BTRC: variants seen among roughly 807,000 people sequenced by gnomAD.
BTRC encodes beta-transducin repeat containing E3 ubiquitin protein ligase, also known as F-box/WD repeat-containing protein 1A.
Under a neutral mutation model 85.5 loss-of-function variants are expected in BTRC, and 42 were observed. The observed-to-expected ratio is 0.49, with a 90% CI of 0.38 to 0.64. The LOEUF (loss-of-function observed/expected upper bound fraction) is 0.64, where lower values mean the gene tolerates loss of function less well. Among genes scored for constraint, BTRC ranks in the 30% least tolerant of loss-of-function variants. The pLI, the probability that BTRC is intolerant of heterozygous loss-of-function variation, is 0.00. For missense variants in BTRC, 594 were observed against 743.5 expected, an observed-to-expected ratio of 0.80 and a Z score of 2.34; for synonymous variants, 255 against 263.3, an observed-to-expected ratio of 0.97 and a Z score of 0.30.
intron 1 of BTRC, among the ~76,000 whole-genome samples, chr10:101,407,632 C>T (rs946428299): frequency 6.6e-6 from 1 of 152,132 alleles, no homozygotes; most frequent in African/African-American, 2.4e-5. Context: ...CTCAGGCAAT[C>T]CGCCCACCTT....
intron 1 of BTRC, among the ~76,000 whole-genome samples, chr10:101,404,002 G>A (rs1414857047): frequency 5.0e-4 from 31 of 61,764 alleles, no homozygotes; most frequent in South Asian, 6.9e-4. Flanking sequence ...GTGTGTGTGT[G>A]TATATATATA....
At chr10:101,464,155 A>G (rs1945304845) in intron 3 of BTRC, among the ~76,000 whole-genome samples, 1 of 152,222 alleles carries the variant, frequency 6.6e-6, no homozygotes, top group Non-Finnish European at 1.5e-5. Flanking sequence ...AGTTTTGGCA[A>G]CTTTATTTAA....
chr10:101,354,982 C>A (rs906575401), intron 1 of BTRC, among the ~76,000 whole-genome samples: 4 of 152,100 alleles, frequency 2.6e-5, no homozygotes, highest in Non-Finnish European at 5.9e-5. Context: ...CATAACGCTA[C>A]TTTGAAAGGA....
intron 3 of BTRC, among the ~76,000 whole-genome samples, chr10:101,472,580 A>G (rs1945561380): frequency 6.6e-6 from 1 of 152,014 alleles, no homozygotes; most frequent in Non-Finnish European, 1.5e-5. Context: ...TTGGGAGGCC[A>G]AGGTTGGGTG....
chr10:101,425,960 G>A (rs1288711799), intron 1 of BTRC, among the ~76,000 whole-genome samples: 2 of 152,038 alleles, frequency 1.3e-5, no homozygotes, highest in African/African-American at 4.8e-5. Context: ...AATTTTAAAG[G>A]GCATTATTTA....
At chr10:101,532,750 A>ATATG (rs1366180028) in intron 8 of BTRC, among the ~76,000 whole-genome samples, 1 of 102,186 alleles carries the variant, frequency 9.8e-6, no homozygotes, top group Non-Finnish European at 1.9e-5. Flanking sequence ...CTGAAGCTAT[A>ATATG]TGTGTGTGTG....
chr10:101,491,548 T>G (rs1169019108), intron 4 of BTRC, among the ~76,000 whole-genome samples: 1 of 151,988 alleles, frequency 6.6e-6, no homozygotes. Flanking sequence ...TACAAAAAAA[T>G]TAGCTGGGTG....
At chr10:101,366,505 A>C (rs1252541080) in intron 1 of BTRC, among the ~76,000 whole-genome samples, 1 of 151,892 alleles carries the variant, frequency 6.6e-6, no homozygotes. Context: ...AGTTAAAGGA[A>C]GGAGAAATTA....
At chr10:101,451,660 C>T (rs1944957950) in intron 2 of BTRC, among the ~76,000 whole-genome samples, 2 of 152,118 alleles carry the variant, frequency 1.3e-5, no homozygotes, top group Non-Finnish European at 2.9e-5. Context: ...CCCCTGAGGT[C>T]CCCACACACC....
chr10:101,384,613 G>C (rs1271289412), intron 1 of BTRC, among the ~76,000 whole-genome samples: 1 of 152,182 alleles, frequency 6.6e-6, no homozygotes, highest in African/African-American at 2.4e-5. Flanking sequence ...TTGACTAACA[G>C]CTTTTTTCAA....
At chr10:101,405,936 C>G (rs945387189) in intron 1 of BTRC, among the ~76,000 whole-genome samples, 4 of 152,070 alleles carry the variant, frequency 2.6e-5, no homozygotes, top group Non-Finnish European at 4.4e-5. Context: ...GTGAAGTGTT[C>G]TAGATAAATC....
intron 1 of BTRC, among the ~76,000 whole-genome samples, chr10:101,373,594 A>G (rs1220680529): frequency 1.3e-5 from 2 of 152,046 alleles, no homozygotes; most frequent in African/African-American, 4.8e-5. Context: ...TAATAAGGAG[A>G]CTTTGAATTT....
At position 101,553,995 on chromosome 10, in the gene BTRC, A is replaced by G. The variant is rs939613149; in HGVS notation, c.*872A>G. ...GATTCTCAGACATGATACTCTCATC[A>G]TATTTGCAACTCTTCTCTCTCTTTC... is the stretch of plus-strand genomic sequence containing the variant. On this transcript the variant is annotated 3_prime_UTR_variant, in exon 15 of 15. Coordinates refer to ENST00000370187, the MANE Select transcript of BTRC (RefSeq NM_033637.4). The G allele has an allele frequency of 1.3e-5, 2 of 152,202 alleles. No individual in the cohort carries two copies. The highest frequency in any genetic ancestry group is 4.8e-5 in the African/African-American group (2 of 41,410). 9.4% of individuals were successfully genotyped at this position (152,202 alleles called of 1,614,324 possible).
intron 6 of BTRC, 71 bp from the exon 7 acceptor site, chr10:101,531,166 G>T: frequency 7.8e-7 from 1 of 1,278,998 alleles, no homozygotes; most frequent in South Asian, 1.4e-5. Context: ...GCGAGACTCT[G>T]TCTCAAAATA....
intron 13 of BTRC, among the ~76,000 whole-genome samples, chr10:101,539,638 A>G (rs1410941741): frequency 6.6e-6 from 1 of 152,222 alleles, no homozygotes; most frequent in Non-Finnish European, 1.5e-5. Context: ...ATTTATGTAG[A>G]AGTCTTGGGA....
intron 3 of BTRC, among the ~76,000 whole-genome samples, chr10:101,467,589 G>A (rs1233144159): frequency 6.6e-6 from 1 of 151,722 alleles, no homozygotes; most frequent in Non-Finnish European, 1.5e-5. Context: ...TTTCGTTTGG[G>A]GTTTGCATTA....
intron 1 of BTRC, among the ~76,000 whole-genome samples, chr10:101,386,134 T>C (rs1943073354): frequency 6.6e-6 from 1 of 152,174 alleles, no homozygotes; most frequent in Non-Finnish European, 1.5e-5. Flanking sequence ...GATGATGTAA[T>C]TTTACTTTTC....
intron 1 of BTRC, chr10:101,364,696 G>C (rs1942311970): frequency 6.6e-6 from 1 of 151,974 alleles, no homozygotes; most frequent in African/African-American, 2.4e-5. Context: ...ACACCAAACT[G>C]TTAATGTGGT....
chr10:101,532,750 A>ATGTGTG (rs71643587), intron 8 of BTRC, among the ~76,000 whole-genome samples: 13,861 of 102,000 alleles, frequency 0.14, 903 homozygotes, highest in Non-Finnish European at 0.17. Context: ...CTGAAGCTAT[A>ATGTGTG]TGTGTGTGTG....
Sources: allele counts gnomAD v4.1 joint callset (sites outside exome capture counted in the v4.1 genomes callset), GRCh38; gene constraint gnomAD v4.1.1; transcripts MANE v1.5; gene names NCBI Gene and HGNC (gene_info 2026-07-23, HGNC 2026-07-21).